The following NPHP3 variants were observed in gnomAD, a reference collection of about 807,000 sequenced individuals.
NPHP3 encodes nephrocystin 3.
Under a neutral mutation model 171.9 loss-of-function variants are expected in NPHP3, and 123 were observed. That is an observed-to-expected ratio of 0.72 (90% confidence interval 0.62 to 0.83). The LOEUF (loss-of-function observed/expected upper bound fraction) is 0.83. NPHP3 is among the 40% of genes least tolerant of loss of function. The pLI is 0.00. For missense variants in NPHP3, 1,506 were observed against 1,591.9 expected (o/e 0.95, Z 0.92); for synonymous variants, 558 against 579.2 (o/e 0.96, Z 0.52).
At chr3:132,713,943 A>T (rs1939980508) in intron 5 of NPHP3, among the ~76,000 whole-genome samples, 1 of 152,270 alleles carries the variant, frequency 6.6e-6, no homozygotes. Flanking sequence ...CAGGTATAGC[A>T]TGTGACACAC....
chr3:132,688,546 G>T, intron 21 of NPHP3, 104 bp downstream of exon 21: 1 of 1,243,870 alleles, frequency 8.0e-7, no homozygotes, highest in Non-Finnish European at 1.2e-6. Flanking sequence ...TAGGCACAGG[G>T]TAAGGAAAAG....
intron 11 of NPHP3, 112 bp downstream of exon 11, chr3:132,700,222 A>G: frequency 1.7e-6 from 2 of 1,187,620 alleles, no homozygotes; most frequent in Non-Finnish European, 2.5e-6. Context: ...CTTATATAAA[A>G]CCAAAACAGG....
At position 132,710,120 on chromosome 3, in the gene NPHP3, A is replaced by G. The variant is rs183950569; in HGVS notation, c.1119-1863T>C. 2.0e-5 allele frequency among the ~76,000 whole-genome samples: 3 copies of G among 152,360 alleles called. No individual in the cohort carries two copies. The East Asian group carries it at 5.8e-4, about 29-fold the overall frequency. ...GTGATAATTGCTGAAGTTAGATAGT[A>G]TAACAGGCCAGCTAATATGTTGATA... On this transcript the variant is annotated intron_variant, in intron 6 of 26. Coordinates refer to ENST00000337331, the MANE Select transcript of NPHP3 (RefSeq NM_153240.5).
rs553166708 is a variant in NPHP3 at position 132,697,263 on chromosome 3, C to G, written c.2085G>C (p.Glu695Asp). Residue 695 changes from glutamate to aspartate, a missense_variant, in exon 14 of 27, where the codon GAG becomes GAC. Transcript: ENST00000337331. ...CHSVDIKLSK[E>D]QEKKLERHCR... ...CATCAAAATGAAAAATACACACCTG[C>G]TCTTTACTCAATTTAATGTCTACAG... is the stretch of plus-strand genomic sequence containing the variant. 1.3e-6 allele frequency: 2 copies of G among 1,591,356 alleles called. No homozygotes were observed. Among genetic ancestry groups the G allele is most frequent in the Non-Finnish European group, 1.7e-6 (2 of 1,160,682 alleles).
At chr3:132,712,626 C>T (rs111907163) in intron 6 of NPHP3, among the ~76,000 whole-genome samples, 3,240 of 152,010 alleles carry the variant, frequency 0.021, 123 homozygotes, top group African/African-American at 0.074. Flanking sequence ...ATTAGCCAGG[C>T]GTGGTGGTGG....
At chr3:132,684,527 C>T (rs1234303961) in intron 24 of NPHP3, 27 bp downstream of exon 24, 3 of 1,612,696 alleles carry the variant, frequency 1.9e-6, no homozygotes, top group South Asian at 1.1e-5. Flanking sequence ...TGTTATAAAA[C>T]ATGTAAGAAT....
At chr3:132,699,490 A>C in intron 12 of NPHP3, 40 bp from the exon 13 acceptor site, 1 of 1,335,470 alleles carries the variant, frequency 7.5e-7, no homozygotes, top group Non-Finnish European at 1.1e-6. Context: ...ATTAATCAAA[A>C]TATTTCAAAA....
At chr3:132,683,561 G>T in intron 24 of NPHP3, 37 bp from the exon 25 acceptor site, 2 of 1,548,358 alleles carry the variant, frequency 1.3e-6, no homozygotes, top group Non-Finnish European at 1.8e-6. Flanking sequence ...AAAATATAAG[G>T]CAATAAATAC....
In NPHP3 at chr3:132,722,240, C is replaced by G; in HGVS notation, c.116G>C (p.Arg39Pro). Reference sequence around the variant, plus strand: ...TCGGCGGAACGAGTTGCGCAGCAGGCGGGCCTTGGGCTTCACCTCCACCGG... The same window carrying G: ...TCGGCGGAACGAGTTGCGCAGCAGGGGGGCCTTGGGCTTCACCTCCACCGG... Reference protein sequence around the residue: ...EIPVEVKPKARLLRNSFRRGA... With the variant: ...EIPVEVKPKAPLLRNSFRRGA... The change falls in exon 1 of 27, where the codon CGC becomes CCC. Residue 39 changes from arginine to proline, a missense_variant. Physicochemically the swap from Arg to Pro is moderately radical, Grantham distance 103. Coordinates refer to ENST00000337331, the MANE Select transcript of NPHP3 (RefSeq NM_153240.5). The G allele has an allele frequency of 6.4e-7, 1 of 1,559,484 alleles. No homozygotes were observed. Among genetic ancestry groups the G allele is most frequent in the South Asian group, 1.2e-5 (1 of 86,884 alleles).
chr3:132,714,180 A>T (rs1053757820), intron 5 of NPHP3, among the ~76,000 whole-genome samples: 3 of 152,252 alleles, frequency 2.0e-5, no homozygotes, highest in Admixed American at 6.5e-5. Flanking sequence ...GTTCTAATAA[A>T]ACTTGATAGA....
rs1446490589 is a variant in NPHP3, at chr3:132,715,120, C to T, written c.922G>A (p.Asp308Asn). The T allele has an allele frequency of 1.9e-6, 3 of 1,612,534 alleles. No individual in the cohort carries two copies. The highest frequency in any genetic ancestry group is 2.5e-6 in the Non-Finnish European group (3 of 1,178,884). Residue 308 changes from aspartate to asparagine, a missense_variant, in exon 5 of 27, where the codon GAT becomes AAT. Physicochemically the swap from Asp to Asn is conservative, Grantham distance 23. This residue lies in a region of NPHP3 where 930 missense variants were observed against 924.9 expected (regional missense o/e 1.01). Coordinates refer to ENST00000337331, the MANE Select transcript of NPHP3 (RefSeq NM_153240.5). ...NTVRCYLIYTDETQPEMDLFL... is the reference protein window; with the variant it reads ...NTVRCYLIYTNETQPEMDLFL... ...AGATCCATCTCAGGCTGGGTTTCAT[C>T]TGTATAAATGAGGTAACATCTGACA...
chr3:132,692,778 T>C lies in NPHP3; in HGVS notation c.2351A>G (p.Glu784Gly). The C allele has an allele frequency of 6.2e-7, 1 of 1,614,040 alleles. No homozygotes were observed. The highest frequency in any genetic ancestry group is 8.5e-7 in the Non-Finnish European group (1 of 1,179,926). Residue 784 changes from glutamate (E) to glycine (G), a missense_variant, in exon 17 of 27, where the codon GAA becomes GGA. Glu to Gly is a moderately conservative substitution (Grantham distance 98). Transcript: ENST00000337331. ...AGGATAGAGTTCCATCAGTTCTGAT[T>C]CACTCACACCATTGTGACTAACATT... ...LVNVSHNGVS[E>G]SELMELYPEM...
chr3:132,721,255 C>T (rs1231539813), intron 1 of NPHP3, among the ~76,000 whole-genome samples: 1 of 152,128 alleles, frequency 6.6e-6, no homozygotes, highest in Admixed American at 6.5e-5. Flanking sequence ...AATGGACCTG[C>T]TACATGGAGG....
intron 24 of NPHP3, among the ~76,000 whole-genome samples, chr3:132,684,226 T>C (rs550831157): frequency 6.6e-6 from 1 of 152,344 alleles, no homozygotes; most frequent in South Asian, 2.1e-4. Context: ...AACTTAATAT[T>C]GGTGGAATTT....
chr3:132,686,913 A>T (rs183942988), intron 22 of NPHP3, among the ~76,000 whole-genome samples: 1 of 152,306 alleles, frequency 6.6e-6, no homozygotes, highest in African/African-American at 2.4e-5. Context: ...GTAGCTTTAA[A>T]TTCCGTCTTT....
chr3:132,700,962 A>T (rs879942054), intron 10 of NPHP3, among the ~76,000 whole-genome samples: 3 of 152,204 alleles, frequency 2.0e-5, no homozygotes, highest in Non-Finnish European at 4.4e-5. Context: ...AATTTGAAGA[A>T]CTAGATTGCA....
At chr3:132,704,794 G>A (rs1939704183) in intron 8 of NPHP3, among the ~76,000 whole-genome samples, 2 of 151,972 alleles carry the variant, frequency 1.3e-5, no homozygotes, top group Admixed American at 6.6e-5. Context: ...TTTTATATTA[G>A]GTTACTGAAA....
In NPHP3 at chr3:132,718,983, T is replaced by TCC; in HGVS notation, c.670+10_670+11insGG. ...TTGAAAGCTCAAAATATAAATAGGA[T>TCC]ATACACTTACCAGTGACATCTGTAC... On this transcript the variant is annotated intron_variant, in intron 3 of 26. Transcript: ENST00000337331. 1 of 1,613,852 alleles carries TCC rather than the reference T, an allele frequency of 6.2e-7. No individual in the cohort carries two copies. The highest frequency in any genetic ancestry group is 8.5e-7 in the Non-Finnish European group (1 of 1,179,784).
At chr3:132,699,042 G>A (rs1243321116) in intron 13 of NPHP3, among the ~76,000 whole-genome samples, 4 of 152,034 alleles carry the variant, frequency 2.6e-5, no homozygotes, top group East Asian at 3.9e-4. Flanking sequence ...ACAGGCATGC[G>A]CCACCATGCC....
Sources: allele counts gnomAD v4.1 joint callset (sites outside exome capture counted in the v4.1 genomes callset), GRCh38; gene constraint gnomAD v4.1.1; regional missense constraint gnomAD v4.1.1; transcripts MANE v1.5; gene names NCBI Gene and HGNC (gene_info 2026-07-23, HGNC 2026-07-21).